Variants in FNDC3B observed in about 807,000 individuals in gnomAD.
FNDC3B encodes the protein fibronectin type III domain containing 3B.
In FNDC3B, 12 loss-of-function variants were observed where a neutral mutation model predicts 151.5. The observed-to-expected ratio is 0.08, with a 90% CI of 0.05 to 0.13. The LOEUF is 0.13. Among genes scored for constraint, FNDC3B ranks in the 10% least tolerant of loss-of-function variants. FNDC3B has a pLI of 1.00. For missense variants in FNDC3B, 1,214 were observed against 1,505.3 expected (o/e 0.81, Z 3.20); for synonymous variants, 528 against 549.0 (o/e 0.96, Z 0.54).
At chr3:172,285,808 A>G (rs991377175) in intron 6 of FNDC3B, 118 bp from the exon 7 acceptor site, 6 of 719,844 alleles carry the variant, frequency 8.3e-6, no homozygotes, top group South Asian at 8.1e-5. Context: ...TCAAAAATTC[A>G]TGATAACAGG....
Position 172,112,597 on chromosome 3 carries a change from G to C in FNDC3B, c.111+7G>C, listed in dbSNP as rs1720033550. ...TGGAGATGCAGCTCAGCAGGTTGGT[G>C]TAGGAAGAGGGAAATTTAAGTCAAA... On this transcript the variant is annotated splice_region_variant and intron_variant, in intron 2 of 25. Transcript: ENST00000415807. 6.9e-6 allele frequency: 11 copies of C among 1,582,762 alleles called. No homozygotes were observed. Among genetic ancestry groups the C allele is most frequent in the Non-Finnish European group, 9.6e-6 (11 of 1,151,544 alleles).
chr3:172,085,467 T>A (rs919105347), intron 1 of FNDC3B, among the ~76,000 whole-genome samples: 1 of 152,258 alleles, frequency 6.6e-6, no homozygotes, highest in African/African-American at 2.4e-5. Context: ...TGACTCTCTG[T>A]TAACTCTTGA....
At chr3:172,093,546 C>T (rs1395670057) in intron 1 of FNDC3B, among the ~76,000 whole-genome samples, 2 of 152,168 alleles carry the variant, frequency 1.3e-5, no homozygotes, top group Non-Finnish European at 2.9e-5. Flanking sequence ...GCGTGAGTCA[C>T]CGCGCCCGGC....
chr3:172,091,163 A>C (rs1456076706), intron 1 of FNDC3B, among the ~76,000 whole-genome samples: 1 of 152,186 alleles, frequency 6.6e-6, no homozygotes, highest in Admixed American at 6.5e-5. Context: ...GAATATAATA[A>C]AACTCTTCTG....
At chr3:172,289,323 G>T (rs756018508) in intron 7 of FNDC3B, among the ~76,000 whole-genome samples, 1 of 152,060 alleles carries the variant, frequency 6.6e-6, no homozygotes, top group South Asian at 2.1e-4. Context: ...AAGGACCCCC[G>T]TGATTTTACT....
chr3:172,081,650 T>A (rs1416901191), intron 1 of FNDC3B, among the ~76,000 whole-genome samples: 2 of 152,196 alleles, frequency 1.3e-5, no homozygotes, highest in African/African-American at 2.4e-5. Context: ...AATACACTTT[T>A]GGATGCAGAA....
intron 3 of FNDC3B, among the ~76,000 whole-genome samples, chr3:172,201,977 T>C (rs968586689): frequency 2.6e-5 from 4 of 152,248 alleles, no homozygotes; most frequent in African/African-American, 9.6e-5. Context: ...ATGTAATAAC[T>C]TGGATACATG....
At chr3:172,336,908 G>GA (rs796333616) in intron 15 of FNDC3B, among the ~76,000 whole-genome samples, 26,844 of 119,618 alleles carry the variant, frequency 0.22, 2,665 homozygotes, top group Middle Eastern at 0.41. Flanking sequence ...ATCTCAGACG[G>GA]AAAAAAAAAA....
chr3:172,074,036 G>A (rs1454420808), intron 1 of FNDC3B, among the ~76,000 whole-genome samples: 2 of 152,150 alleles, frequency 1.3e-5, no homozygotes, highest in African/African-American at 4.8e-5. Flanking sequence ...CACAGGATGA[G>A]GACTGTGGAG....
intron 1 of FNDC3B, among the ~76,000 whole-genome samples, chr3:172,110,783 A>G (rs1434142649): frequency 6.6e-6 from 1 of 152,074 alleles, no homozygotes; most frequent in Non-Finnish European, 1.5e-5. Context: ...CCTAATGTAA[A>G]TAACCACCCT....
intron 2 of FNDC3B, among the ~76,000 whole-genome samples, chr3:172,125,779 C>T (rs1018614319): frequency 6.6e-6 from 1 of 152,194 alleles, no homozygotes; most frequent in Non-Finnish European, 1.5e-5. Context: ...CTCGCTTCTA[C>T]TTTTCCTGTT....
At chr3:172,137,999 A>G (rs903891004) in intron 3 of FNDC3B, among the ~76,000 whole-genome samples, 1 of 152,198 alleles carries the variant, frequency 6.6e-6, no homozygotes, top group South Asian at 2.1e-4. Flanking sequence ...CTCTCCCATT[A>G]TTTTCATATC....
At chr3:172,238,400 C>T (rs545515580) in intron 4 of FNDC3B, among the ~76,000 whole-genome samples, 4 of 152,276 alleles carry the variant, frequency 2.6e-5, no homozygotes, top group South Asian at 2.1e-4. Flanking sequence ...AAGCAGTCGC[C>T]CGCCTTGGCC....
intron 1 of FNDC3B, among the ~76,000 whole-genome samples, chr3:172,076,124 G>A (rs1386096530): frequency 1.3e-5 from 2 of 152,014 alleles, no homozygotes; most frequent in East Asian, 1.9e-4. Flanking sequence ...GGATACTTAC[G>A]GTTTGTATCC....
intron 1 of FNDC3B, among the ~76,000 whole-genome samples, chr3:172,084,238 C>A (rs1208175041): frequency 8.6e-5 from 13 of 151,922 alleles, no homozygotes; most frequent in Non-Finnish European, 1.3e-4. Context: ...TGCTTGAGGC[C>A]AGGAGTTTGA....
rs572676165 is a variant in FNDC3B, at chr3:172,129,073, A to T, written c.112-4398A>T. ...AGCCTCGACCTCCTGGGCTCACGCGATCCTCCTGCCTCACCCTCCTGAGTT... is the reference window on the plus strand; with the variant it reads ...AGCCTCGACCTCCTGGGCTCACGCGTTCCTCCTGCCTCACCCTCCTGAGTT... On this transcript the variant is annotated intron_variant, in intron 2 of 25. Transcript: ENST00000415807. 2.6e-5 allele frequency among the ~76,000 whole-genome samples: 4 copies of T among 152,162 alleles called. No homozygotes were observed. In the East Asian group the frequency reaches 7.7e-4, roughly 29 times the overall value.
At chr3:172,363,429 C>A (rs533407554) in intron 23 of FNDC3B, among the ~76,000 whole-genome samples, 31 of 152,338 alleles carry the variant, frequency 2.0e-4, no homozygotes, top group African/African-American at 7.5e-4. Flanking sequence ...TTTAACCTAA[C>A]TTCATTTCCT....
intron 1 of FNDC3B, among the ~76,000 whole-genome samples, chr3:172,048,737 T>C (rs977278663): frequency 6.6e-6 from 1 of 152,212 alleles, no homozygotes; most frequent in African/African-American, 2.4e-5. Flanking sequence ...TATGGTATTA[T>C]ATATTGGAAT....
intron 4 of FNDC3B, among the ~76,000 whole-genome samples, chr3:172,234,830 A>G (rs1727059505): frequency 6.6e-6 from 1 of 152,224 alleles, no homozygotes; most frequent in Non-Finnish European, 1.5e-5. Flanking sequence ...TAAGAAAAAT[A>G]CCTTTTTCTG....
Sources: gnomAD v4.1 joint callset for allele counts (sites outside exome capture counted in the v4.1 genomes callset) on GRCh38, gnomAD v4.1.1 for gene constraint, MANE v1.5 for transcripts, NCBI Gene and HGNC (gene_info 2026-07-23, HGNC 2026-07-21) for gene names.